The following ASIC2 variants were observed in gnomAD, a reference collection of about 807,000 sequenced individuals.
ASIC2 encodes the protein acid sensing ion channel subunit 2.
In ASIC2, 25 loss-of-function variants were observed where a neutral mutation model predicts 57.3. The ratio of observed to expected loss-of-function variants is 0.44; its 90% CI spans 0.32 to 0.61. ASIC2 has a LOEUF of 0.61. ASIC2 is among the 20% of genes least tolerant of loss of function. The pLI, the probability that ASIC2 is intolerant of heterozygous loss-of-function variation, is 0.06. For synonymous variants in ASIC2, 319 were observed against 307.5 expected (o/e 1.04, Z -0.39); for missense variants, 641 against 738.1 (o/e 0.87, Z 1.52).
intron 1 of ASIC2, chr17:33,984,279 A>G (rs1472979453): frequency 1.3e-5 from 2 of 152,236 alleles, no homozygotes; most frequent in Non-Finnish European, 2.9e-5. Context: ...TGGGCATAGC[A>G]AAAGCAACAA....
At chr17:33,306,156 G>C (rs1173690924) in intron 1 of ASIC2, among the ~76,000 whole-genome samples, 2 of 152,102 alleles carry the variant, frequency 1.3e-5, no homozygotes, top group Non-Finnish European at 2.9e-5. Flanking sequence ...AAGAGAAATG[G>C]AATTCTATTT....
At chr17:33,454,804 G>A (rs1912391612) in intron 1 of ASIC2, among the ~76,000 whole-genome samples, 1 of 152,142 alleles carries the variant, frequency 6.6e-6, no homozygotes, top group Admixed American at 6.5e-5. Flanking sequence ...CTGTGTTATT[G>A]TTTCCTCACA....
chr17:33,891,096 C>A (rs1172240045), intron 1 of ASIC2, among the ~76,000 whole-genome samples: 4 of 152,146 alleles, frequency 2.6e-5, no homozygotes, highest in Non-Finnish European at 5.9e-5. Context: ...CTGGTTCTCT[C>A]TTCAGATTCC....
chr17:33,044,996 CAGAGGTATAA>C (rs977457298), intron 3 of ASIC2, among the ~76,000 whole-genome samples: 9 of 151,912 alleles, frequency 5.9e-5, no homozygotes, highest in Middle Eastern at 3.2e-3. Context: ...TGCAGAGATA[CAGAGGTATAA>C]AGAGGTATAA....
At chr17:33,242,232 G>A (rs1356234325) in intron 1 of ASIC2, among the ~76,000 whole-genome samples, 2 of 151,768 alleles carry the variant, frequency 1.3e-5, no homozygotes, top group African/African-American at 2.4e-5. Flanking sequence ...CAGGAGAATG[G>A]CATGAACCTG....
intron 1 of ASIC2, among the ~76,000 whole-genome samples, chr17:33,842,210 T>G (rs918915917): frequency 2.0e-5 from 3 of 152,196 alleles, no homozygotes; most frequent in Non-Finnish European, 4.4e-5. Flanking sequence ...GACTTGCACC[T>G]GGCAACCTTC....
intron 3 of ASIC2, among the ~76,000 whole-genome samples, chr17:33,064,135 C>T (rs4795738): frequency 0.2 from 31,174 of 152,074 alleles, 3,480 homozygotes; most frequent in Middle Eastern, 0.31. Context: ...GAAGTTTGAT[C>T]GTCTGAAGCC....
At chr17:33,894,342 CGTGCGTGCGTGTGTGTGT>C (rs1289871754) in intron 1 of ASIC2, among the ~76,000 whole-genome samples, 30 of 65,284 alleles carry the variant, frequency 4.6e-4, no homozygotes, top group African/African-American at 1.8e-3. Flanking sequence ...TGCGTGCGTG[CGTGCGTGCGTGTGTGTGT>C]GTGTGTGTGT....
intron 1 of ASIC2, among the ~76,000 whole-genome samples, chr17:34,135,795 A>C (rs1912109599): frequency 6.6e-6 from 1 of 152,194 alleles, no homozygotes; most frequent in Non-Finnish European, 1.5e-5. Flanking sequence ...TAATAATATT[A>C]ATAGTAAAAC....
intron 2 of ASIC2, among the ~76,000 whole-genome samples, chr17:33,095,470 T>C (rs1424243603): frequency 1.3e-5 from 2 of 152,222 alleles, no homozygotes; most frequent in Non-Finnish European, 1.5e-5. Flanking sequence ...CAGTAGGAAC[T>C]CAAAAATGCT....
At chr17:33,922,651 T>G (rs1915731833) in intron 1 of ASIC2, among the ~76,000 whole-genome samples, 1 of 152,164 alleles carries the variant, frequency 6.6e-6, no homozygotes, top group African/African-American at 2.4e-5. Context: ...TATAATATCA[T>G]TATATTTATA....
At position 33,196,427 on chromosome 17, in the gene ASIC2, A is replaced by G. The variant is rs115870676; in HGVS notation, c.709-84360T>C. On this transcript the variant is annotated intron_variant, in intron 1 of 9. Transcript: ENST00000225823. ...CGGCCACCAAGAAGGATAAAAATAC[A>G]TGGGGTACCTGTGAGGCGTCCTTGC... is the stretch of plus-strand genomic sequence containing the variant. Among the ~76,000 whole-genome samples the G allele has an allele frequency of 3.0e-3, 455 of 152,288 alleles. 2 individuals are homozygous for G. Among genetic ancestry groups the G allele is most frequent in the African/African-American group, 0.01 (431 of 41,560 alleles).
At chr17:33,814,672 G>A (rs945263528) in intron 1 of ASIC2, among the ~76,000 whole-genome samples, 5 of 152,228 alleles carry the variant, frequency 3.3e-5, no homozygotes, top group African/African-American at 1.2e-4. Context: ...GAACCTATGG[G>A]CTTTATTAGC....
intron 1 of ASIC2, among the ~76,000 whole-genome samples, chr17:33,209,186 T>C (rs1390209465): frequency 6.6e-6 from 1 of 152,250 alleles, no homozygotes; most frequent in Admixed American, 6.5e-5. Context: ...TCACTAACCC[T>C]GAGCTAAGAC....
chr17:34,081,796 T>A (rs1323913846), intron 1 of ASIC2, among the ~76,000 whole-genome samples: 1 of 152,222 alleles, frequency 6.6e-6, no homozygotes, highest in East Asian at 1.9e-4. Flanking sequence ...CTCTGACAAT[T>A]TGTTTTATCT....
chr17:33,153,482 G>A (rs1904879468), intron 1 of ASIC2, among the ~76,000 whole-genome samples: 1 of 152,170 alleles, frequency 6.6e-6, no homozygotes, highest in African/African-American at 2.4e-5. Context: ...GCTTACTATG[G>A]TCTCTACACT....
intron 1 of ASIC2, among the ~76,000 whole-genome samples, chr17:34,022,629 GA>G (rs796222459): frequency 7.3e-4 from 66 of 90,252 alleles, no homozygotes; most frequent in Admixed American, 3.6e-3. Flanking sequence ...AATTTCCCAT[GA>G]AAAAAAAAAA....
At chr17:33,336,170 T>C (rs1156377667) in intron 1 of ASIC2, among the ~76,000 whole-genome samples, 2 of 151,980 alleles carry the variant, frequency 1.3e-5, no homozygotes. Context: ...GATCTCTGAA[T>C]TATTTCAAAA....
chr17:33,659,895 TAAATAAA>T (rs1907199853), intron 1 of ASIC2, among the ~76,000 whole-genome samples: 1 of 144,370 alleles, frequency 6.9e-6, no homozygotes, highest in Non-Finnish European at 1.5e-5. Flanking sequence ...AATAAATAAA[TAAATAAA>T]TAAATAAATA....
Sources: gnomAD v4.1 joint callset for allele counts (sites outside exome capture counted in the v4.1 genomes callset) on GRCh38, gnomAD v4.1.1 for gene constraint, MANE v1.5 for transcripts, NCBI Gene and HGNC (gene_info 2026-07-23, HGNC 2026-07-21) for gene names.